NAA60: variants seen among roughly 807,000 people sequenced by gnomAD.
NAA60 encodes N-alpha-acetyltransferase 60.
Under a neutral mutation model 26.1 loss-of-function variants are expected in NAA60, and 8 were observed. The ratio of observed to expected loss-of-function variants is 0.31; its 90% CI spans 0.18 to 0.55. NAA60 has a LOEUF of 0.55. Ranked by LOEUF, NAA60 falls within the 20% of genes least tolerant of loss-of-function variation. NAA60 has a pLI of 0.93. For synonymous variants in NAA60, 131 were observed against 122.5 expected (o/e 1.07, Z -0.46); for missense variants, 290 against 311.3 (o/e 0.93, Z 0.51).
At chr16:3,481,123 C>T (rs1374501647) in intron 4 of NAA60, among the ~76,000 whole-genome samples, 1 of 151,968 alleles carries the variant, frequency 6.6e-6, no homozygotes, top group Non-Finnish European at 1.5e-5. Flanking sequence ...TCTTTTCTCT[C>T]CTCTTTTTTT....
At chr16:3,475,093 C>CTTTTTTTTT (rs3031367) in intron 2 of NAA60, among the ~76,000 whole-genome samples, 5 of 135,208 alleles carry the variant, frequency 3.7e-5, no homozygotes, top group Admixed American at 1.5e-4. Flanking sequence ...CCATCCTTTC[C>CTTTTTTTTT]TTTTTTTTTT....
At chr16:3,460,134 C>A (rs2035285458) in intron 2 of NAA60, among the ~76,000 whole-genome samples, 1 of 152,160 alleles carries the variant, frequency 6.6e-6, no homozygotes, top group Non-Finnish European at 1.5e-5. Flanking sequence ...GAGGCTTCAG[C>A]CCTCTGAGTT....
chr16:3,458,044 C>A lies in NAA60; in HGVS notation c.-7+9504C>A, dbSNP rs1412859146. On this transcript the variant is annotated intron_variant, in intron 2 of 7. Coordinates refer to ENST00000407558, the MANE Select transcript of NAA60 (RefSeq NM_001083601.3). ...GGGAGGCGGAAGTGCCGCGGGCTGC[C>A]GCCTCCGTCCCGGCTGCGGCCCCTG... 4.1e-6 allele frequency: 4 copies of A among 985,146 alleles called. No homozygotes were observed. The African/African-American group carries it at 7.0e-5, about 17-fold the overall frequency. 61.0% of individuals were successfully genotyped at this position (985,146 alleles called of 1,614,324 possible). A position where few individuals can be genotyped will look rare whatever the true frequency, so the allele number is the denominator to read the frequency against.
rs908073838 is a variant in NAA60 at position 3,486,213 on chromosome 16, A to G, written c.*953A>G. ...GTGGGCCCTCAGCCTCTGAGGGCAG[A>G]GATGCTGTCAGTGCCGCAGGTGCAT... On this transcript the variant is annotated 3_prime_UTR_variant, in exon 8 of 8. Coordinates refer to ENST00000407558, the MANE Select transcript of NAA60 (RefSeq NM_001083601.3). The G allele has an allele frequency of 6.3e-6, 1 of 158,098 alleles. No homozygotes were observed. Among genetic ancestry groups the G allele is most frequent in the Non-Finnish European group, 1.4e-5 (1 of 70,990 alleles). The allele number at this position is 158,098 out of a possible 1,614,324, so 9.8% of individuals were successfully genotyped here.
At chr16:3,469,419 C>T (rs1293907989) in intron 2 of NAA60, among the ~76,000 whole-genome samples, 2 of 151,960 alleles carry the variant, frequency 1.3e-5, no homozygotes, top group South Asian at 2.1e-4. Flanking sequence ...CTTGCTGCTC[C>T]CCCCAGCACT....
In NAA60 at chr16:3,483,544, T is replaced by A; in HGVS notation, c.519T>A (p.Asp173Glu). The change falls in exon 6 of 8, where the codon GAT becomes GAA. Residue 173 changes from aspartate (D) to glutamate (E), a missense_variant. By Grantham distance (45) the Asp-to-Glu change is conservative (BLOSUM62 2). Coordinates refer to ENST00000407558, the MANE Select transcript of NAA60 (RefSeq NM_001083601.3). ...ACTCCATTCGAGGGGTCCTCAAAGA[T>A]GGCTTCACCTATGTCCTCTACATCA... ...YYYSIRGVLK[D>E]GFTYVLYING... 6.2e-7 allele frequency: 1 copy of A among 1,613,546 alleles called. No homozygotes were observed. Among genetic ancestry groups the A allele is most frequent in the Non-Finnish European group, 8.5e-7 (1 of 1,179,746 alleles).
At chr16:3,446,545 AAG>A (rs1325727962) in intron 1 of NAA60, among the ~76,000 whole-genome samples, 1 of 150,774 alleles carries the variant, frequency 6.6e-6, no homozygotes, top group Non-Finnish European at 1.5e-5. Flanking sequence ...AAAAAAAAAA[AAG>A]AAAATACAGG....
intron 2 of NAA60, among the ~76,000 whole-genome samples, chr16:3,465,891 A>T (rs1029131543): frequency 2.0e-5 from 3 of 152,194 alleles, no homozygotes; most frequent in Non-Finnish European, 4.4e-5. Context: ...TTTCAATGCA[A>T]TTGCGATAAA....
chr16:3,484,758 A>G lies in NAA60; in HGVS notation c.632A>G (p.His211Arg). The change falls in exon 7 of 8, where the codon CAC (histidine) becomes CGC (arginine). Residue 211 changes from histidine to arginine, a missense_variant. His to Arg is a conservative substitution (Grantham distance 29). Coordinates refer to ENST00000407558, the MANE Select transcript of NAA60 (RefSeq NM_001083601.3). ...LASLSPCSIPHRVYRQAHSLL... is the reference protein window; with the variant it reads ...LASLSPCSIPRRVYRQAHSLL... Reference sequence around the variant, plus strand: ...AGCCTGAGCCCCTGCTCCATTCCGCACAGAGTCTACCGCCAGGCCCACAGC... The same window carrying G: ...AGCCTGAGCCCCTGCTCCATTCCGCGCAGAGTCTACCGCCAGGCCCACAGC... 6.3e-7 allele frequency: 1 copy of G among 1,593,860 alleles called. No homozygotes were observed. Among genetic ancestry groups the G allele is most frequent in the Non-Finnish European group, 8.5e-7 (1 of 1,171,212 alleles).
At chr16:3,471,740 C>G (rs963751003) in intron 2 of NAA60, among the ~76,000 whole-genome samples, 3 of 152,076 alleles carry the variant, frequency 2.0e-5, no homozygotes, top group Non-Finnish European at 4.4e-5. Context: ...TCAGAGCCAG[C>G]TGGCCCTGCA....
Position 3,481,404 on chromosome 16 carries a change from G to A in NAA60, c.241-1098G>A, listed in dbSNP as rs189158701. ...CCAGCCTGATCTCTCTTGTTAATGG[G>A]ACACGTGGTCCCCCCCTTCCCCCAA... On this transcript the variant is annotated intron_variant, in intron 4 of 7. Coordinates refer to ENST00000407558, the MANE Select transcript of NAA60 (RefSeq NM_001083601.3). 1.0e-3 allele frequency among the ~76,000 whole-genome samples: 157 copies of A among 152,262 alleles called. 1 individual carries two copies. Among genetic ancestry groups the A allele is most frequent in the Non-Finnish European group, 1.7e-3 (115 of 68,016 alleles).
At position 3,452,825 on chromosome 16, in the gene NAA60, C is replaced by T. The variant is rs143194307; in HGVS notation, c.-7+4285C>T. Among the ~76,000 whole-genome samples the T allele has an allele frequency of 3.7e-3, 551 of 148,436 alleles. 4 individuals carry two copies. Among genetic ancestry groups the T allele is most frequent in the African/African-American group, 0.012 (494 of 40,252 alleles). On this transcript the variant is annotated intron_variant, in intron 2 of 7. Transcript: ENST00000407558. Reference sequence around the variant, plus strand: ...GAAAAATTAGCCGGGTGTGGTGGTACGTGCCTGTAGTCCCAGCTACTGGGG... The same window carrying T: ...GAAAAATTAGCCGGGTGTGGTGGTATGTGCCTGTAGTCCCAGCTACTGGGG...
At chr16:3,469,178 G>A (rs2035960645) in intron 2 of NAA60, among the ~76,000 whole-genome samples, 1 of 152,198 alleles carries the variant, frequency 6.6e-6, no homozygotes, top group African/African-American at 2.4e-5. Flanking sequence ...TGCCTTTTTA[G>A]GAACATGTTC....
intron 1 of NAA60, among the ~76,000 whole-genome samples, chr16:3,444,897 A>G (rs2034488368): frequency 6.6e-6 from 1 of 152,254 alleles, no homozygotes; most frequent in Admixed American, 6.5e-5. Context: ...CACTAGGGGA[A>G]GGACCTAGCC....
At chr16:3,470,530 T>C (rs1043851524) in intron 2 of NAA60, among the ~76,000 whole-genome samples, 7 of 152,218 alleles carry the variant, frequency 4.6e-5, no homozygotes, top group African/African-American at 1.7e-4. Flanking sequence ...TTCCCAAAGC[T>C]GGGCCCAGCG....
At chr16:3,443,948 T>C in intron 1 of NAA60, 111 bp downstream of exon 1, 1 of 1,401,538 alleles carries the variant, frequency 7.1e-7, no homozygotes, top group Non-Finnish European at 9.3e-7. Context: ...GTCCTTTGTG[T>C]CTTGAGCGGA....
In NAA60 at chr16:3,484,988, C is replaced by A. The variant is rs536782438; in HGVS notation, c.*133C>A. 1 of 1,527,802 alleles carries A rather than the reference C, an allele frequency of 6.5e-7. No homozygotes were observed. The highest frequency in any genetic ancestry group is 1.4e-5 in the African/African-American group (1 of 72,938). The allele number at this position is 1,527,802 out of a possible 1,614,324, so 94.6% of individuals were successfully genotyped here. ...AACTGGGCTCGTCGGCCTGCCCCAG[C>A]TGCAGGCCCGGTGCTACACGGGCTC... On this transcript the variant is annotated 3_prime_UTR_variant, in exon 7 of 8. Transcript: ENST00000407558.
chr16:3,481,146 G>C (rs768534003), intron 4 of NAA60, among the ~76,000 whole-genome samples: 1 of 151,594 alleles, frequency 6.6e-6, no homozygotes, highest in Non-Finnish European at 1.5e-5. Flanking sequence ...TATTGAAACG[G>C]AGTCTCACTA....
chr16:3,485,108 C>A (rs1208487600), intron 7 of NAA60, 47 bp downstream of exon 7: 1 of 1,190,662 alleles, frequency 8.4e-7, no homozygotes, highest in Non-Finnish European at 1.2e-6. Flanking sequence ...TGCCTCCAGC[C>A]ACAAAAGTGG....
Sources: allele counts gnomAD v4.1 joint callset (sites outside exome capture counted in the v4.1 genomes callset), GRCh38; gene constraint gnomAD v4.1.1; transcripts MANE v1.5; gene names NCBI Gene and HGNC (gene_info 2026-07-23, HGNC 2026-07-21).